The following BMP5 variants were observed in gnomAD, a reference collection of about 807,000 sequenced individuals.
The protein encoded by BMP5 is bone morphogenetic protein 5.
Under a neutral mutation model 46.6 loss-of-function variants are expected in BMP5, and 23 were observed. The ratio of observed to expected loss-of-function variants is 0.49; its 90% CI spans 0.35 to 0.70. The LOEUF (loss-of-function observed/expected upper bound fraction) is 0.70, where lower values mean the gene tolerates loss of function less well. BMP5 is among the 30% of genes least tolerant of loss of function. BMP5 has a pLI of 0.00. For missense variants in BMP5, 545 were observed against 565.6 expected, an observed-to-expected ratio of 0.96 and a Z score of 0.37; for synonymous variants, 204 against 191.9, an observed-to-expected ratio of 1.06 and a Z score of -0.52.
At chr6:55,780,470 A>AAAAAAAGAAAG (rs1554181020) in intron 3 of BMP5, among the ~76,000 whole-genome samples, 3 of 131,718 alleles carry the variant, frequency 2.3e-5, no homozygotes, top group Admixed American at 8.1e-5. Flanking sequence ...AAAAAAAAAA[A>AAAAAAAGAAAG]AAAGAAAGAA....
intron 5 of BMP5, among the ~76,000 whole-genome samples, chr6:55,760,176 G>A (rs1182359507): frequency 6.6e-6 from 1 of 151,788 alleles, no homozygotes; most frequent in African/African-American, 2.4e-5. Flanking sequence ...TAAAAGTTTG[G>A]AATACTTAAA....
intron 1 of BMP5, among the ~76,000 whole-genome samples, chr6:55,838,728 T>TCCTATTATTCC (rs1366703917): frequency 6.6e-6 from 1 of 152,200 alleles, no homozygotes; most frequent in Non-Finnish European, 1.5e-5. Context: ...ATCCTTATCA[T>TCCTATTATTCC]TTAAAAAATC....
At chr6:55,873,506 T>C (rs1176199029) in intron 1 of BMP5, among the ~76,000 whole-genome samples, 2 of 151,920 alleles carry the variant, frequency 1.3e-5, no homozygotes, top group East Asian at 1.9e-4. Context: ...TAATTTGAAA[T>C]TGGTAATCCA....
chr6:55,842,480 A>C lies in BMP5; in HGVS notation c.491-22633T>G, dbSNP rs191940745. On this transcript the variant is annotated intron_variant, in intron 1 of 6. Transcript: ENST00000370830. ...GAATGCAACACTCCCCCAGGTTTAC[A>C]AGGAAAGCTCAGTGCCTCCACATAG... 1.8e-4 allele frequency among the ~76,000 whole-genome samples: 28 copies of C among 152,270 alleles called. No homozygotes were observed. The East Asian group carries it at 5.4e-3, about 29-fold the overall frequency.
At chr6:55,851,837 A>G (rs927685046) in intron 1 of BMP5, among the ~76,000 whole-genome samples, 5 of 152,212 alleles carry the variant, frequency 3.3e-5, no homozygotes, top group African/African-American at 1.2e-4. Context: ...CACAGAAAAG[A>G]TTCCTTAAAA....
chr6:55,761,826 A>G (rs1251992282), intron 4 of BMP5, among the ~76,000 whole-genome samples: 4 of 152,038 alleles, frequency 2.6e-5, no homozygotes, highest in African/African-American at 9.7e-5. Context: ...TCCTCCCACT[A>G]AAATATAAGC....
At chr6:55,846,814 T>C (rs1458700565) in intron 1 of BMP5, among the ~76,000 whole-genome samples, 2 of 151,168 alleles carry the variant, frequency 1.3e-5, no homozygotes, top group South Asian at 2.1e-4. Flanking sequence ...CCAAGTTTTA[T>C]ATATTCAAAT....
intron 1 of BMP5, among the ~76,000 whole-genome samples, chr6:55,864,304 T>A (rs1276549641): frequency 6.6e-6 from 1 of 152,152 alleles, no homozygotes; most frequent in East Asian, 1.9e-4. Flanking sequence ...GCGTTTGGAA[T>A]TGGAACCTTG....
At chr6:55,808,872 A>G (rs1397910217) in intron 2 of BMP5, among the ~76,000 whole-genome samples, 1 of 152,024 alleles carries the variant, frequency 6.6e-6, no homozygotes, top group Non-Finnish European at 1.5e-5. Flanking sequence ...GGTTCTTCTC[A>G]ATGGGAGCCT....
At chr6:55,830,526 C>A (rs566202888) in intron 1 of BMP5, among the ~76,000 whole-genome samples, 1 of 152,150 alleles carries the variant, frequency 6.6e-6, no homozygotes, top group East Asian at 1.9e-4. Context: ...AGATGCACAC[C>A]TGGAAACAAC....
In BMP5 at chr6:55,770,518, C is replaced by T. The variant is rs142335247; in HGVS notation, c.1027+3531G>A. On this transcript the variant is annotated intron_variant, in intron 4 of 6. Transcript: ENST00000370830. ...ATCCAGACCACTCAAACGTTCTCCA[C>T]ATCAGCAAGAAAACGATTTCGCTTT... 1.3e-3 allele frequency among the ~76,000 whole-genome samples: 198 copies of T among 151,998 alleles called. 1 individual carries two copies. Among genetic ancestry groups the T allele is most frequent in the African/African-American group, 4.6e-3 (191 of 41,544 alleles).
At chr6:55,761,735 T>C (rs1196115505) in intron 4 of BMP5, among the ~76,000 whole-genome samples, 1 of 152,162 alleles carries the variant, frequency 6.6e-6, no homozygotes, top group Non-Finnish European at 1.5e-5. Context: ...CACTCTGTTC[T>C]GATTTTTTTC....
intron 4 of BMP5, among the ~76,000 whole-genome samples, chr6:55,765,677 A>G (rs1774900994): frequency 6.6e-6 from 1 of 152,158 alleles, no homozygotes; most frequent in Non-Finnish European, 1.5e-5. Flanking sequence ...ATTATTTTCT[A>G]TACCCAGTGA....
intron 1 of BMP5, among the ~76,000 whole-genome samples, chr6:55,828,954 T>C (rs968932606): frequency 3.3e-5 from 5 of 151,822 alleles, no homozygotes; most frequent in Non-Finnish European, 7.4e-5. Flanking sequence ...GCCAAATGGG[T>C]TGCATCAGTG....
chr6:55,764,398 C>G (rs1289259654), intron 4 of BMP5, among the ~76,000 whole-genome samples: 1 of 151,886 alleles, frequency 6.6e-6, no homozygotes, highest in Non-Finnish European at 1.5e-5. Context: ...ACGGTGAAAC[C>G]CCGTCTCTAC....
chr6:55,781,245 A>C (rs974611397), intron 3 of BMP5, among the ~76,000 whole-genome samples: 1 of 152,136 alleles, frequency 6.6e-6, no homozygotes, highest in Non-Finnish European at 1.5e-5. Flanking sequence ...TCATGAGAAC[A>C]GTGAATTATT....
At chr6:55,774,280 A>G (rs1257493999) in intron 3 of BMP5, 37 bp from the exon 4 acceptor site, 1 of 1,583,664 alleles carries the variant, frequency 6.3e-7, no homozygotes. Context: ...TTTATGAAAA[A>G]GAAAGAACAA....
In BMP5 at chr6:55,852,042, A is replaced by T. The variant is rs145345490; in HGVS notation, c.490+22334T>A. ...TATCCCCCCAAAGTATTGTTTTTATATGCCAAGCACTTATTAGTAAAATGA... is the reference window on the plus strand; with the variant it reads ...TATCCCCCCAAAGTATTGTTTTTATTTGCCAAGCACTTATTAGTAAAATGA... On this transcript the variant is annotated intron_variant, in intron 1 of 6. Coordinates refer to ENST00000370830, the MANE Select transcript of BMP5 (RefSeq NM_021073.4). Among the ~76,000 whole-genome samples, 892 of 152,252 alleles carry T rather than the reference A, an allele frequency of 5.9e-3. 19 individuals are homozygous for T. The highest frequency in any genetic ancestry group is 0.038 in the East Asian group (195 of 5,176).
At chr6:55,874,270 A>G in intron 1 of BMP5, 106 bp downstream of exon 1, 1 of 1,458,728 alleles carries the variant, frequency 6.9e-7, no homozygotes, top group Non-Finnish European at 9.5e-7. Context: ...AGAGTTAGAG[A>G]AAATGTCTTT....
Sources: gnomAD v4.1 joint callset for allele counts (sites outside exome capture counted in the v4.1 genomes callset) on GRCh38, gnomAD v4.1.1 for gene constraint, MANE v1.5 for transcripts, NCBI Gene and HGNC (gene_info 2026-07-23, HGNC 2026-07-21) for gene names.